Variants in PTPRN2 observed in about 807,000 individuals in gnomAD.
The protein encoded by PTPRN2 is receptor-type tyrosine-protein phosphatase N2.
A neutral mutation model predicts 118.8 loss-of-function variants in PTPRN2; 74 were observed. That is an observed-to-expected ratio of 0.62 (90% CI 0.52 to 0.76). PTPRN2 has a LOEUF of 0.76. Among genes scored for constraint, PTPRN2 ranks in the 30% least tolerant of loss-of-function variants. PTPRN2 has a pLI of 0.00. For synonymous variants in PTPRN2, 641 were observed against 608.0 expected, an observed-to-expected ratio of 1.05 and a Z score of -0.80; for missense variants, 1,481 against 1,394.4, an observed-to-expected ratio of 1.06 and a Z score of -0.99.
chr7:157,810,132 C>T lies in PTPRN2; in HGVS notation c.1788+88541G>A, dbSNP rs777379613. 1.8e-4 allele frequency among the ~76,000 whole-genome samples: 27 copies of T among 152,334 alleles called. 1 individual carries two copies. Among genetic ancestry groups the T allele is most frequent in the Admixed American group, 3.9e-4 (6 of 15,300 alleles). On this transcript the variant is annotated intron_variant, in intron 12 of 22. Coordinates refer to ENST00000389418, the MANE Select transcript of PTPRN2 (RefSeq NM_002847.5). ...TGGCCCACAACACCCTGAGCTTCTG[C>T]GGAGCCATGTGAGGGCCACGTGGAG...
At chr7:158,327,347 TCA>T (rs1207249319) in intron 2 of PTPRN2, among the ~76,000 whole-genome samples, 39 of 141,122 alleles carry the variant, frequency 2.8e-4, no homozygotes, top group African/African-American at 6.5e-4. Flanking sequence ...TCACACATGC[TCA>T]CACATGTACA....
rs1267707923 is a variant in PTPRN2, at chr7:157,615,475, G to A, written c.2344+5887C>T. 1 of 471,242 alleles carries A rather than the reference G, an allele frequency of 2.1e-6. No individual in the cohort carries two copies. Among genetic ancestry groups the A allele is most frequent in the East Asian group, 6.9e-5 (1 of 14,390 alleles). 29.2% of individuals were successfully genotyped at this position (471,242 alleles called of 1,614,324 possible). A position where few individuals can be genotyped will look rare whatever the true frequency, so the allele number is the denominator to read the frequency against. ...CCCCGAGCCTCACGTGGAAACATCT[G>A]ATGAGCCTTTGCCAATATGCTCGGG... is the stretch of plus-strand genomic sequence containing the variant. On this transcript the variant is annotated intron_variant, in intron 15 of 22. Coordinates refer to ENST00000389418, the MANE Select transcript of PTPRN2 (RefSeq NM_002847.5). This position sits in a 1 kb window ranked among gnomAD's most constrained non-coding sequence, Gnocchi z 4.3.
At chr7:158,328,877 G>A (rs571619328) in intron 2 of PTPRN2, among the ~76,000 whole-genome samples, 4 of 145,872 alleles carry the variant, frequency 2.7e-5, no homozygotes, top group Non-Finnish European at 6.0e-5. Context: ...CGACAAGCGG[G>A]ACCTCTGTTC....
intron 11 of PTPRN2, among the ~76,000 whole-genome samples, chr7:158,041,210 G>A (rs763662603): frequency 1.6e-4 from 25 of 152,190 alleles, no homozygotes; most frequent in Non-Finnish European, 2.9e-4. Flanking sequence ...GGAACAGCAA[G>A]GAAGCCAGGG....
chr7:158,052,630 G>C (rs1301342523), intron 11 of PTPRN2, among the ~76,000 whole-genome samples: 1 of 151,798 alleles, frequency 6.6e-6, no homozygotes, highest in Non-Finnish European at 1.5e-5. Context: ...TGCCTCGTGG[G>C]GGCCATGGAG....
chr7:158,303,929 A>G (rs1801081935), intron 3 of PTPRN2, among the ~76,000 whole-genome samples: 1 of 152,278 alleles, frequency 6.6e-6, no homozygotes, highest in Admixed American at 6.5e-5. Context: ...GGCCCAGGCC[A>G]CAGCCCCAGG....
At chr7:157,735,933 C>T (rs1243672314) in intron 12 of PTPRN2, among the ~76,000 whole-genome samples, 1 of 152,240 alleles carries the variant, frequency 6.6e-6, no homozygotes, top group Non-Finnish European at 1.5e-5. Flanking sequence ...CCCCAAGATT[C>T]TCCAGGCCCT....
intron 11 of PTPRN2, among the ~76,000 whole-genome samples, chr7:157,906,593 A>G (rs1797783054): frequency 6.6e-6 from 1 of 151,786 alleles, no homozygotes; most frequent in African/African-American, 2.4e-5. Context: ...ATACAAGGTT[A>G]AGAAATAGCC....
chr7:158,479,105 A>G (rs1161680075), intron 2 of PTPRN2, among the ~76,000 whole-genome samples: 1 of 152,112 alleles, frequency 6.6e-6, no homozygotes, highest in Non-Finnish European at 1.5e-5. Context: ...GGAGATGCAG[A>G]CAGACCGAGG....
At chr7:158,062,051 C>T (rs148014880) in intron 11 of PTPRN2, among the ~76,000 whole-genome samples, 37 of 152,386 alleles carry the variant, frequency 2.4e-4, no homozygotes, top group Non-Finnish European at 4.3e-4. Context: ...GTGAGCATCT[C>T]GCACCTTGGT....
In PTPRN2 at chr7:157,973,342, T is replaced by C. The variant is rs1040982010; in HGVS notation, c.1724-74605A>G. The stretch of plus-strand genomic sequence containing the variant: ...AAACCTGCAGATGTAAAATAACAAA[T>C]AGCATGCTGTGGGGAGGAATGGGGA... On this transcript the variant is annotated intron_variant, in intron 11 of 22. Coordinates refer to ENST00000389418, the MANE Select transcript of PTPRN2 (RefSeq NM_002847.5). Among the ~76,000 whole-genome samples the C allele has an allele frequency of 4.9e-4, 69 of 140,358 alleles. 3 individuals carry two copies. Among genetic ancestry groups the C allele is most frequent in the Middle Eastern group, 4.0e-3 (1 of 248 alleles). The allele number at this position is 140,358 out of a possible 152,430, so 92.1% of individuals were successfully genotyped here. A position where few individuals can be genotyped will look rare whatever the true frequency, so the allele number is the denominator to read the frequency against.
At chr7:157,693,078 GGGCGGGGGGCCGGAGAC>G (rs1166893073) in intron 12 of PTPRN2, among the ~76,000 whole-genome samples, 1 of 151,960 alleles carries the variant, frequency 6.6e-6, no homozygotes, top group Non-Finnish European at 1.5e-5. Flanking sequence ...TGGCGCTGGG[GGGCGGGGGGCCGGAGAC>G]GGCGGGAGGA....
intron 1 of PTPRN2, among the ~76,000 whole-genome samples, chr7:158,585,791 C>T (rs1326710782): frequency 6.6e-6 from 1 of 152,236 alleles, no homozygotes; most frequent in Non-Finnish European, 1.5e-5. Flanking sequence ...AATGACCTAC[C>T]TTCCCTGGGA....
chr7:158,241,238 G>A lies in PTPRN2; in HGVS notation c.278-35965C>T, dbSNP rs143622267. ...TAATTAGAATCCTTCACTTTCGGCC[G>A]GGCGTGGTGGCTTACACCTGTAATC... On this transcript the variant is annotated intron_variant, in intron 3 of 22. Transcript: ENST00000389418. Among the ~76,000 whole-genome samples, 37 of 152,202 alleles carry A rather than the reference G, an allele frequency of 2.4e-4. No individual in the cohort carries two copies. In the East Asian group the frequency reaches 5.0e-3, roughly 21 times the overall value.
intron 14 of PTPRN2, among the ~76,000 whole-genome samples, chr7:157,639,887 G>C (rs1287273683): frequency 6.6e-6 from 1 of 152,200 alleles, no homozygotes; most frequent in Non-Finnish European, 1.5e-5. Context: ...ATCCAGAATT[G>C]AGGCTCAAAC....
rs193070299 is a variant in PTPRN2 at position 157,728,149 on chromosome 7, G to A, written c.1789-45212C>T. ...TCAGCTGGGCAGACACATGCAGCCCGGAGGCCTGGGGTGTCCGGGTCCCAC... is the reference window on the plus strand; with the variant it reads ...TCAGCTGGGCAGACACATGCAGCCCAGAGGCCTGGGGTGTCCGGGTCCCAC... On this transcript the variant is annotated intron_variant, in intron 12 of 22. Transcript: ENST00000389418. 1.1e-4 allele frequency among the ~76,000 whole-genome samples: 17 copies of A among 152,296 alleles called. No individual in the cohort carries two copies. In the South Asian group the frequency reaches 1.4e-3, roughly 13 times the overall value.
chr7:157,750,643 A>C (rs987074883), intron 12 of PTPRN2, among the ~76,000 whole-genome samples: 1 of 152,186 alleles, frequency 6.6e-6, no homozygotes, highest in African/African-American at 2.4e-5. Flanking sequence ...TTTATTTTGG[A>C]AATAGGTTTT....
chr7:158,326,889 GCACACATTCT>G (rs1803613271), intron 2 of PTPRN2, among the ~76,000 whole-genome samples: 2 of 144,586 alleles, frequency 1.4e-5, no homozygotes, highest in African/African-American at 2.6e-5. Context: ...TCTCACACAT[GCACACATTCT>G]CACACATGCA....
intron 1 of PTPRN2, among the ~76,000 whole-genome samples, chr7:158,558,758 A>T (rs1196894563): frequency 1.7e-5 from 2 of 116,748 alleles, no homozygotes; most frequent in South Asian, 2.7e-4. Context: ...GTGCTAGACT[A>T]AAAAAAAAAA....
Sources: gnomAD v4.1 joint callset for allele counts (sites outside exome capture counted in the v4.1 genomes callset) on GRCh38, gnomAD v4.1.1 for gene constraint, Gnocchi (gnomAD v3.1) non-coding constraint, MANE v1.5 for transcripts, NCBI Gene and HGNC (gene_info 2026-07-23, HGNC 2026-07-21) for gene names.